The following VEPH1 variants were observed in gnomAD, a reference collection of about 807,000 sequenced individuals.
VEPH1 encodes the protein ventricular zone-expressed PH domain-containing protein homolog 1.
Under a neutral mutation model 85.2 loss-of-function variants are expected in VEPH1, and 80 were observed. That is an observed-to-expected ratio of 0.94 (90% CI 0.78 to 1.13). The LOEUF (loss-of-function observed/expected upper bound fraction) is 1.13, where lower values mean the gene tolerates loss of function less well. VEPH1 is among the 50% of genes most tolerant of loss of function. VEPH1 has a pLI of 0.00. For missense variants in VEPH1, 955 were observed against 980.5 expected (o/e 0.97, Z 0.35); for synonymous variants, 297 against 348.0 (o/e 0.85, Z 1.63).
intron 6 of VEPH1, among the ~76,000 whole-genome samples, chr3:157,393,554 CT>C (rs1395839420): frequency 2.0e-5 from 3 of 152,092 alleles, no homozygotes; most frequent in Non-Finnish European, 4.4e-5. Flanking sequence ...ATAAAGATTA[CT>C]GTTTTCAATA....
At chr3:157,379,730 A>T (rs1728549896) in intron 7 of VEPH1, among the ~76,000 whole-genome samples, 7 of 152,194 alleles carry the variant, frequency 4.6e-5, no homozygotes, top group Admixed American at 4.6e-4. Context: ...ATTTGACACT[A>T]GTCTCAAATG....
At chr3:157,308,124 G>C (rs750002377) in intron 11 of VEPH1, among the ~76,000 whole-genome samples, 11 of 151,582 alleles carry the variant, frequency 7.3e-5, no homozygotes, top group Non-Finnish European at 1.5e-4. Context: ...TAATCTTATT[G>C]TCTATAAATA....
At chr3:157,471,369 T>G (rs1736939941) in intron 2 of VEPH1, among the ~76,000 whole-genome samples, 1 of 152,206 alleles carries the variant, frequency 6.6e-6, no homozygotes, top group East Asian at 1.9e-4. Context: ...GCAAATTATT[T>G]ATATACTAGA....
At chr3:157,265,957 C>G (rs937820667) in intron 12 of VEPH1, among the ~76,000 whole-genome samples, 3 of 150,466 alleles carry the variant, frequency 2.0e-5, no homozygotes, top group African/African-American at 7.4e-5. Context: ...GCTTTCTGTG[C>G]TTGGTTTCTT....
chr3:157,265,480 T>G, intron 13 of VEPH1, 46 bp downstream of exon 13: 1 of 1,592,864 alleles, frequency 6.3e-7, no homozygotes, highest in South Asian at 1.1e-5. Flanking sequence ...TTGGTGGAGA[T>G]CAAAACCTTA....
At chr3:157,450,048 C>CTTTTTTTTTTTTT (rs761761440) in intron 4 of VEPH1, among the ~76,000 whole-genome samples, 17 of 77,322 alleles carry the variant, frequency 2.2e-4, no homozygotes, top group African/African-American at 7.2e-4. Context: ...AGAATATTTA[C>CTTTTTTTTTTTTT]TTTTTTTTTT....
Position 157,503,360 on chromosome 3 carries a change from A to G in VEPH1, c.-241T>C, listed in dbSNP as rs186361907. ...AGCACTGCAGCTGGGACCCATGACC[A>G]TGCTCAGAGGCAGCCTTGCAGCTGC... On this transcript the variant is annotated 5_prime_UTR_variant, in exon 1 of 14. An upstream start codon of the reference 5' UTR is lost. Coordinates refer to ENST00000362010, the MANE Select transcript of VEPH1 (RefSeq NM_001167912.2). The G allele has an allele frequency of 2.5e-3, 383 of 152,320 alleles. 1 individual carries two copies. Among genetic ancestry groups the G allele is most frequent in the African/African-American group, 8.4e-3 (348 of 41,574 alleles). 9.4% of individuals were successfully genotyped at this position (152,320 alleles called of 1,614,324 possible).
chr3:157,470,592 A>C, intron 2 of VEPH1, 63 bp from the exon 3 acceptor site: 1 of 1,500,838 alleles, frequency 6.7e-7, no homozygotes, highest in Non-Finnish European at 9.3e-7. Context: ...CAAAGGACAA[A>C]ATACTAACTC....
chr3:157,409,590 T>G (rs1371963865), intron 6 of VEPH1: 1 of 982,976 alleles, frequency 1.0e-6, no homozygotes, highest in Admixed American at 6.2e-5. Context: ...AGGATTTTGG[T>G]TTTTGTTTTA....
rs16827491 is a variant in VEPH1, at chr3:157,329,154, T to C, written c.1736-11953A>G. On this transcript the variant is annotated intron_variant, in intron 9 of 13. Transcript: ENST00000362010. ...ATATATCACTTTCATTTATTCTGTA[T>C]GTAGAGACTTGTTGATAATTTGCTT... Among the ~76,000 whole-genome samples, 259 of 152,356 alleles carry C rather than the reference T, an allele frequency of 1.7e-3. 5 individuals are homozygous for C. The East Asian group carries it at 0.045, about 26-fold the overall frequency.
intron 12 of VEPH1, among the ~76,000 whole-genome samples, chr3:157,272,570 A>G (rs1271911418): frequency 2.0e-5 from 3 of 150,388 alleles, no homozygotes; most frequent in Non-Finnish European, 4.4e-5. Context: ...TGATTCTCCC[A>G]CATCAGCCTC....
At chr3:157,488,659 A>T (rs1158600189) in intron 2 of VEPH1, among the ~76,000 whole-genome samples, 1 of 151,792 alleles carries the variant, frequency 6.6e-6, no homozygotes, top group Non-Finnish European at 1.5e-5. Context: ...CTCAAGTCTG[A>T]CAAGTTCCAA....
intron 4 of VEPH1, among the ~76,000 whole-genome samples, chr3:157,454,754 C>G (rs979489096): frequency 1.3e-5 from 2 of 152,152 alleles, no homozygotes; most frequent in Admixed American, 1.3e-4. Flanking sequence ...CCTTGTCCCT[C>G]TCTTCCTACC....
At chr3:157,479,490 AG>A (rs1479101747) in intron 2 of VEPH1, among the ~76,000 whole-genome samples, 1 of 152,198 alleles carries the variant, frequency 6.6e-6, no homozygotes, top group East Asian at 1.9e-4. Flanking sequence ...AGCAGTCTTC[AG>A]GGAATGGCCC....
intron 4 of VEPH1, among the ~76,000 whole-genome samples, chr3:157,451,233 T>A (rs1221245755): frequency 1.3e-5 from 2 of 152,200 alleles, no homozygotes; most frequent in Non-Finnish European, 2.9e-5. Flanking sequence ...TTTTTGTGTG[T>A]GAGTTGATTT....
chr3:157,291,059 G>C (rs1253423637), intron 11 of VEPH1, among the ~76,000 whole-genome samples: 1 of 152,134 alleles, frequency 6.6e-6, no homozygotes, highest in Non-Finnish European at 1.5e-5. Flanking sequence ...GAAGAACTTT[G>C]GGTTTTGGCA....
At chr3:157,355,939 A>C in intron 9 of VEPH1, among the ~76,000 whole-genome samples, 1 of 144,580 alleles carries the variant, frequency 6.9e-6, no homozygotes, top group African/African-American at 2.6e-5. Context: ...TCTCTTTGTC[A>C]CCCAGGCTGA....
chr3:157,336,967 C>T (rs569464390), intron 9 of VEPH1, among the ~76,000 whole-genome samples: 8 of 152,086 alleles, frequency 5.3e-5, no homozygotes, highest in Admixed American at 1.3e-4. Flanking sequence ...TGCTCTAGAA[C>T]GTAATTTGAT....
intron 4 of VEPH1, among the ~76,000 whole-genome samples, chr3:157,442,018 T>G (rs538224983): frequency 6.6e-6 from 1 of 152,160 alleles, no homozygotes; most frequent in African/African-American, 2.4e-5. Context: ...AGTTAACTGA[T>G]AGTGATTCAA....
Sources: allele counts gnomAD v4.1 joint callset (sites outside exome capture counted in the v4.1 genomes callset), GRCh38; gene constraint gnomAD v4.1.1; transcripts MANE v1.5; gene names NCBI Gene and HGNC (gene_info 2026-07-23, HGNC 2026-07-21).